Variants in KPNA1 observed in about 807,000 individuals in gnomAD.
KPNA1 encodes the protein karyopherin subunit alpha 1, also known as importin subunit alpha-5.
In KPNA1, 10 loss-of-function variants were observed where a neutral mutation model predicts 70.5. The observed-to-expected ratio is 0.14, with a 90% CI of 0.09 to 0.24. The LOEUF is 0.24. KPNA1 is among the 10% of genes least tolerant of loss of function. The pLI, the probability that KPNA1 is intolerant of heterozygous loss-of-function variation, is 1.00. For missense variants in KPNA1, 397 were observed against 637.9 expected (o/e 0.62, Z 4.07); for synonymous variants, 192 against 221.9 (o/e 0.87, Z 1.20).
chr3:122,478,198 A>G (rs1042382218), intron 2 of KPNA1, among the ~76,000 whole-genome samples: 1 of 151,874 alleles, frequency 6.6e-6, no homozygotes, highest in African/African-American at 2.4e-5. Flanking sequence ...GAAAAAGAAA[A>G]AAGGGTCCAA....
intron 9 of KPNA1, among the ~76,000 whole-genome samples, chr3:122,445,632 C>A (rs548257813): frequency 6.6e-6 from 1 of 152,264 alleles, no homozygotes; most frequent in East Asian, 1.9e-4. Context: ...AATTAACCAG[C>A]TAACATCATA....
intron 2 of KPNA1, among the ~76,000 whole-genome samples, chr3:122,491,782 A>T (rs2076700905): frequency 1.6e-5 from 2 of 127,864 alleles, no homozygotes; most frequent in Non-Finnish European, 1.8e-5. Flanking sequence ...AATAGCTATA[A>T]TCAATATCAT....
chr3:122,505,197 G>A (rs2076876989), intron 1 of KPNA1, among the ~76,000 whole-genome samples: 1 of 150,566 alleles, frequency 6.6e-6, no homozygotes, highest in African/African-American at 2.4e-5. Flanking sequence ...CAGGTACTTG[G>A]GAGGATGAGG....
At chr3:122,497,809 T>C (rs560472050) in intron 1 of KPNA1, among the ~76,000 whole-genome samples, 2 of 152,378 alleles carry the variant, frequency 1.3e-5, no homozygotes, top group South Asian at 4.1e-4. Context: ...TTTTACATTC[T>C]AGATAAAGGT....
intron 7 of KPNA1, 55 bp from the exon 8 acceptor site, chr3:122,451,688 G>T: frequency 1.8e-6 from 2 of 1,114,896 alleles, no homozygotes; most frequent in Non-Finnish European, 2.7e-6. Context: ...ATTATCTGAT[G>T]ACATAAATAC....
chr3:122,449,370 C>T (rs187624476), intron 9 of KPNA1, among the ~76,000 whole-genome samples: 10 of 152,262 alleles, frequency 6.6e-5, no homozygotes, highest in African/African-American at 2.2e-4. Flanking sequence ...GGCCTGCTAA[C>T]AGCAGAGGAC....
chr3:122,492,953 A>G (rs969480558), intron 2 of KPNA1, among the ~76,000 whole-genome samples: 9 of 152,232 alleles, frequency 5.9e-5, no homozygotes, highest in Admixed American at 1.3e-4. Flanking sequence ...TATCTTGTCC[A>G]TAATCAGATA....
chr3:122,451,505 TGCCAA>T, intron 8 of KPNA1, 24 bp downstream of exon 8: 1 of 1,270,752 alleles, frequency 7.9e-7, no homozygotes, highest in Non-Finnish European at 1.1e-6. Context: ...GTATTTTTTC[TGCCAA>T]TGTCCCAAAA....
At chr3:122,441,745 G>A (rs563984590) in intron 10 of KPNA1, among the ~76,000 whole-genome samples, 4 of 151,944 alleles carry the variant, frequency 2.6e-5, no homozygotes, top group African/African-American at 4.8e-5. Flanking sequence ...AACTACAGGC[G>A]TGTGCAACCA....
At chr3:122,450,084 T>A (rs1021460400) in intron 8 of KPNA1, among the ~76,000 whole-genome samples, 1 of 152,226 alleles carries the variant, frequency 6.6e-6, no homozygotes, top group Non-Finnish European at 1.5e-5. Flanking sequence ...TTTTAGATAC[T>A]TTGTTAAAGA....
chr3:122,459,165 G>T (rs1048241323), intron 5 of KPNA1, among the ~76,000 whole-genome samples: 1 of 152,166 alleles, frequency 6.6e-6, no homozygotes, highest in African/African-American at 2.4e-5. Flanking sequence ...AAAAGATGTA[G>T]AATGTCTTAG....
intron 2 of KPNA1, among the ~76,000 whole-genome samples, chr3:122,472,630 T>C (rs952932677): frequency 1.2e-4 from 18 of 152,062 alleles, no homozygotes; most frequent in African/African-American, 4.3e-4. Context: ...GAAAAATCAA[T>C]GAAAAAACCA....
chr3:122,440,022 A>G (rs1252330430), intron 10 of KPNA1, among the ~76,000 whole-genome samples: 1 of 152,232 alleles, frequency 6.6e-6, no homozygotes, highest in East Asian at 1.9e-4. Context: ...TACTGCAGAT[A>G]TAGGACTGAA....
chr3:122,501,257 C>A (rs1165975979), intron 1 of KPNA1, among the ~76,000 whole-genome samples: 1 of 151,952 alleles, frequency 6.6e-6, no homozygotes, highest in Non-Finnish European at 1.5e-5. Flanking sequence ...AACTCCTGAC[C>A]TCAAGTGATC....
intron 2 of KPNA1, among the ~76,000 whole-genome samples, chr3:122,487,684 TATATG>T (rs2076645270): frequency 6.6e-6 from 1 of 152,026 alleles, no homozygotes. Context: ...CGAGTCTACT[TATATG>T]AGATATCTAG....
At chr3:122,438,723 T>TAA (rs2076023851) in intron 10 of KPNA1, among the ~76,000 whole-genome samples, 1 of 152,122 alleles carries the variant, frequency 6.6e-6, no homozygotes, top group Non-Finnish European at 1.5e-5. Flanking sequence ...CAGACTAATA[T>TAA]AAACCCTAAG....
intron 5 of KPNA1, chr3:122,457,684 T>C: frequency 7.9e-7 from 1 of 1,268,660 alleles, no homozygotes; most frequent in African/African-American, 1.5e-5. Context: ...CTCAGTTCCT[T>C]AAATAAGGAA....
chr3:122,446,891 C>T (rs1243156162), intron 9 of KPNA1, among the ~76,000 whole-genome samples: 1 of 152,212 alleles, frequency 6.6e-6, no homozygotes, highest in Non-Finnish European at 1.5e-5. Flanking sequence ...ACTATCAACA[C>T]CTCTACACAA....
At chr3:122,450,838 C>T (rs1419846894) in intron 8 of KPNA1, among the ~76,000 whole-genome samples, 4 of 152,148 alleles carry the variant, frequency 2.6e-5, no homozygotes, top group South Asian at 2.1e-4. Flanking sequence ...CAATTGCAAA[C>T]ACATGGAACC....
Sources: gnomAD v4.1 joint callset for allele counts (sites outside exome capture counted in the v4.1 genomes callset) on GRCh38, gnomAD v4.1.1 for gene constraint, MANE v1.5 for transcripts, NCBI Gene and HGNC (gene_info 2026-07-23, HGNC 2026-07-21) for gene names.